Variants in AGT observed in about 807,000 individuals in gnomAD.
AGT encodes the protein alpha-1 antiproteinase, antitrypsin.
A neutral mutation model predicts 28.1 loss-of-function variants in AGT; 26 were observed. That is an observed-to-expected ratio of 0.92 (90% CI 0.68 to 1.28). The LOEUF (loss-of-function observed/expected upper bound fraction) is 1.28, where lower values mean the gene tolerates loss of function less well. Among genes scored for constraint, AGT ranks in the 50% most tolerant of loss-of-function variants. The pLI, the probability that AGT is intolerant of heterozygous loss-of-function variation, is 0.00. For synonymous variants in AGT, 259 were observed against 259.6 expected, an observed-to-expected ratio of 1.00 and a Z score of 0.02; for missense variants, 596 against 592.3, an observed-to-expected ratio of 1.01 and a Z score of -0.06.
At chr1:230,744,403 A>C (rs1664303700) in intron 1 of AGT, among the ~76,000 whole-genome samples, 2 of 152,186 alleles carry the variant, frequency 1.3e-5, no homozygotes, top group Admixed American at 1.3e-4. Context: ...AGTCATGGAG[A>C]AGTCCGGTGC....
intron 1 of AGT, among the ~76,000 whole-genome samples, chr1:230,731,614 C>A (rs1410419377): frequency 6.6e-6 from 1 of 152,194 alleles, no homozygotes; most frequent in Non-Finnish European, 1.5e-5. Context: ...GTCTGTAATC[C>A]CAACACTTTG....
At chr1:230,716,226 A>G (rs61762549), upstream of AGT, among the ~76,000 whole-genome samples, 1 of 152,238 alleles carries the variant, frequency 6.6e-6, no homozygotes, top group Non-Finnish European at 1.5e-5. Context: ...TTTATTGAGA[A>G]TGTAAATTAT....
intron 1 of AGT, among the ~76,000 whole-genome samples, chr1:230,711,375 C>T (rs1571977816): frequency 6.6e-6 from 1 of 152,130 alleles, no homozygotes; most frequent in Non-Finnish European, 1.5e-5. Context: ...TGATGGCTGG[C>T]TCCCAGGCTT....
chr1:230,736,881 T>A (rs1379984319), intron 1 of AGT, among the ~76,000 whole-genome samples: 1 of 152,102 alleles, frequency 6.6e-6, no homozygotes, highest in Admixed American at 6.6e-5. Flanking sequence ...AGCACCTGGA[T>A]CCCTGTTGTT....
intron 1 of AGT, among the ~76,000 whole-genome samples, chr1:230,744,580 T>C (rs1571991843): frequency 6.6e-6 from 1 of 152,194 alleles, no homozygotes; most frequent in African/African-American, 2.4e-5. Flanking sequence ...GGAGGATTGT[T>C]AAACCTTTTT....
At chr1:230,735,888 G>A (rs977277079) in intron 1 of AGT, among the ~76,000 whole-genome samples, 1 of 152,106 alleles carries the variant, frequency 6.6e-6, no homozygotes, top group Non-Finnish European at 1.5e-5. Flanking sequence ...TTTGTAAATA[G>A]TTCATCGATT....
intron 1 of AGT, among the ~76,000 whole-genome samples, chr1:230,723,405 C>T (rs185519314): frequency 2.6e-5 from 4 of 152,302 alleles, no homozygotes; most frequent in Admixed American, 2.6e-4. Flanking sequence ...GCCAGAAGAA[C>T]ATTATTCAAG....
chr1:230,710,986 A>T, intron 1 of AGT, 133 bp from the exon 2 acceptor site: 1 of 1,208,422 alleles, frequency 8.3e-7, no homozygotes, highest in East Asian at 2.5e-5. Context: ...TGTCTACAAA[A>T]AAAAGAAGAA....
chr1:230,734,037 T>C (rs1313199144), intron 1 of AGT, among the ~76,000 whole-genome samples: 2 of 152,144 alleles, frequency 1.3e-5, no homozygotes, highest in East Asian at 3.9e-4. Flanking sequence ...ATTTTCTCTT[T>C]CTCTTTTATA....
chr1:230,736,762 G>A (rs1291513333), intron 1 of AGT, among the ~76,000 whole-genome samples: 1 of 152,060 alleles, frequency 6.6e-6, no homozygotes, highest in Non-Finnish European at 1.5e-5. Flanking sequence ...AAATTTCAAA[G>A]CCCCAAAGCT....
chr1:230,728,291 G>C (rs1244297866), intron 1 of AGT, among the ~76,000 whole-genome samples: 1 of 152,138 alleles, frequency 6.6e-6, no homozygotes, highest in South Asian at 2.1e-4. Context: ...GCTGGTGATT[G>C]CTTAACTATG....
rs530495031 is a variant in AGT at position 230,736,162 on chromosome 1, A to ATTTT, written c.-31+9352_-31+9353insAAAA. Among the ~76,000 whole-genome samples, 24 of 144,464 alleles carry ATTTT rather than the reference A, an allele frequency of 1.7e-4. No individual in the cohort carries two copies. The South Asian group carries it at 4.4e-3, about 27-fold the overall frequency. 94.8% of individuals were successfully genotyped at this position (144,464 alleles called of 152,430 possible). On this transcript the variant is annotated intron_variant, in intron 1 of 4. Transcript: ENST00000681269. ...TGAAACACATTTATGTTTAAGGCAA[A>ATTTT]GTTTGTGTGTGTGTGTGTGTGTGTG... is the stretch of plus-strand genomic sequence containing the variant.
chr1:230,745,286 C>G (rs972682829), intron 1 of AGT, among the ~76,000 whole-genome samples: 4 of 152,178 alleles, frequency 2.6e-5, no homozygotes, highest in Non-Finnish European at 5.9e-5. Context: ...TCCTGATCCC[C>G]TCCATGTGCC....
chr1:230,713,736 C>T (rs3789678), intron 1 of AGT, among the ~76,000 whole-genome samples: 23,448 of 152,126 alleles, frequency 0.15, 2,064 homozygotes, highest in African/African-American at 0.24. Flanking sequence ...CCAATTCCTG[C>T]ACAAGCCCTG....
At chr1:230,720,910 T>C (rs898235754) in intron 1 of AGT, among the ~76,000 whole-genome samples, 3 of 152,160 alleles carry the variant, frequency 2.0e-5, no homozygotes, top group Non-Finnish European at 4.4e-5. Context: ...ACCCTCACCC[T>C]TCAGAGTTCA....
At chr1:230,720,642 A>G (rs1192804707) in intron 1 of AGT, among the ~76,000 whole-genome samples, 2 of 152,018 alleles carry the variant, frequency 1.3e-5, no homozygotes, top group Non-Finnish European at 2.9e-5. Flanking sequence ...ATTGATCCCC[A>G]CCCTTCACCT....
At chr1:230,737,590 G>A (rs1664178977) in intron 1 of AGT, among the ~76,000 whole-genome samples, 1 of 152,144 alleles carries the variant, frequency 6.6e-6, no homozygotes. Flanking sequence ...GAGATTACAG[G>A]CTTGAGCCAC....
chr1:230,738,474 C>T (rs765400620), intron 1 of AGT, among the ~76,000 whole-genome samples: 2 of 152,116 alleles, frequency 1.3e-5, no homozygotes, highest in Admixed American at 6.6e-5. Flanking sequence ...TTGTCAGTGG[C>T]CTTATAAATT....
chr1:230,734,942 C>A (rs1015342925), intron 1 of AGT, among the ~76,000 whole-genome samples: 12 of 152,204 alleles, frequency 7.9e-5, no homozygotes, highest in African/African-American at 2.9e-4. Flanking sequence ...TCTCGATCTC[C>A]TGACCTCGTG....
Sources: allele counts gnomAD v4.1 joint callset (sites outside exome capture counted in the v4.1 genomes callset), GRCh38; gene constraint gnomAD v4.1.1; transcripts MANE v1.5; gene names NCBI Gene and HGNC (gene_info 2026-07-23, HGNC 2026-07-21).